SAMMSON: variants seen among roughly 807,000 people sequenced by gnomAD.
The protein encoded by SAMMSON is long intergenic non-protein coding RNA 1212.
chr3:70,101,668 T>C (rs1194060381), intron 4 of SAMMSON, among the ~76,000 whole-genome samples: 1 of 152,186 alleles, frequency 6.6e-6, no homozygotes, highest in East Asian at 1.9e-4. Flanking sequence ...ATACCTTACA[T>C]CTGGAGAGCC....
intron 6 of SAMMSON, among the ~76,000 whole-genome samples, chr3:70,255,706 A>G (rs1701809384): frequency 6.6e-6 from 1 of 152,026 alleles, no homozygotes; most frequent in South Asian, 2.1e-4. Context: ...TATTCCCTCA[A>G]CTTTGGCCTC....
chr3:70,071,539 T>G (rs993381705), exon 4 of SAMMSON: 1 of 152,012 alleles, frequency 6.6e-6, no homozygotes, highest in African/African-American at 2.4e-5. Flanking sequence ...AGAGATGTGA[T>G]AAAGAGAAAC....
At chr3:70,006,359 A>G (rs898167029) in intron 1 of SAMMSON, among the ~76,000 whole-genome samples, 2 of 152,140 alleles carry the variant, frequency 1.3e-5, no homozygotes, top group African/African-American at 4.8e-5. Flanking sequence ...AGAGGAAGGG[A>G]ATGTGTATTA....
chr3:70,211,353 CCCTTCCCTTTGCCCTTCCCTTCCCTTT>C (rs1701343462), intron 4 of SAMMSON, among the ~76,000 whole-genome samples: 1 of 6,580 alleles, frequency 1.5e-4, no homozygotes, highest in Non-Finnish European at 1.5e-3. Flanking sequence ...TTTTGCCCTT[CCCTTCCCTTTGCCCTTCCCTTCCCTTT>C]CCTTCCTTTC....
intron 6 of SAMMSON, among the ~76,000 whole-genome samples, chr3:70,265,777 T>C (rs1166797478): frequency 6.6e-6 from 1 of 152,152 alleles, no homozygotes; most frequent in Non-Finnish European, 1.5e-5. Flanking sequence ...CTCAGGAAAC[T>C]TATAATCATG....
intron 4 of SAMMSON, among the ~76,000 whole-genome samples, chr3:70,202,010 A>G (rs1347090074): frequency 6.6e-6 from 1 of 152,112 alleles, no homozygotes; most frequent in African/African-American, 2.4e-5. Flanking sequence ...CTGAATGTAT[A>G]TCCCTCTGTG....
chr3:70,162,506 A>G (rs1303258557), intron 4 of SAMMSON, among the ~76,000 whole-genome samples: 2 of 151,714 alleles, frequency 1.3e-5, no homozygotes, highest in Non-Finnish European at 2.9e-5. Flanking sequence ...AACATACTTT[A>G]TATGATTTCA....
At chr3:70,343,227 G>C (rs895345005) in intron 7 of SAMMSON, among the ~76,000 whole-genome samples, 1 of 152,014 alleles carries the variant, frequency 6.6e-6, no homozygotes, top group South Asian at 2.1e-4. Context: ...ACCAATAATG[G>C]TATATTTTTA....
chr3:70,034,362 C>T (rs533429406), intron 3 of SAMMSON, among the ~76,000 whole-genome samples: 3 of 152,016 alleles, frequency 2.0e-5, no homozygotes, highest in Non-Finnish European at 2.9e-5. Context: ...ATATATTCAC[C>T]GAAGAATGGG....
At chr3:70,188,475 A>G (rs971443606) in intron 4 of SAMMSON, among the ~76,000 whole-genome samples, 27 of 152,234 alleles carry the variant, frequency 1.8e-4, no homozygotes, top group African/African-American at 6.0e-4. Flanking sequence ...TAAGAGAAGA[A>G]AAAATAAAGA....
chr3:70,126,108 T>G (rs1189487872), intron 4 of SAMMSON: 1 of 1,256,314 alleles, frequency 8.0e-7, no homozygotes, highest in Admixed American at 2.0e-5. Context: ...TTACTCTGTT[T>G]GTTAGGATTG....
intron 4 of SAMMSON, among the ~76,000 whole-genome samples, chr3:70,191,248 A>G (rs1330431030): frequency 6.6e-6 from 1 of 152,204 alleles, no homozygotes; most frequent in East Asian, 1.9e-4. Context: ...ACATTTGAGG[A>G]ACAATAAACC....
At chr3:70,409,296 T>C (rs571293630) in intron 2 of SAMMSON, among the ~76,000 whole-genome samples, 1 of 152,314 alleles carries the variant, frequency 6.6e-6, no homozygotes, top group Admixed American at 6.5e-5. Context: ...AATAAATTGA[T>C]AACATTCCAT....
rs1038131366 is a variant in SAMMSON at position 70,186,448 on chromosome 3, A to AT, written n.508-62651dup. ...AATTTTTATTTTTTTATTTTTTGGT[A>AT]TTTTTTTTGTAGAGATGAGGTCTCA... On this transcript the variant is annotated intron_variant and non_coding_transcript_variant, in intron 4 of 9. Coordinates refer to ENST00000642114, the Ensembl canonical transcript of SAMMSON. 1.7e-4 allele frequency among the ~76,000 whole-genome samples: 26 copies of AT among 151,098 alleles called. No individual in the cohort carries two copies. In the East Asian group the frequency reaches 2.0e-3, roughly 11 times the overall value.
chr3:70,143,941 A>C (rs1372224367), intron 4 of SAMMSON, among the ~76,000 whole-genome samples: 18 of 152,124 alleles, frequency 1.2e-4, no homozygotes. Context: ...GACCTTTATA[A>C]GTACATAAGT....
chr3:70,080,106 T>A (rs974300718), intron 4 of SAMMSON, among the ~76,000 whole-genome samples: 1 of 152,208 alleles, frequency 6.6e-6, no homozygotes. Flanking sequence ...ACAGGTTTGT[T>A]CTAAAGAATT....
intron 3 of SAMMSON, among the ~76,000 whole-genome samples, chr3:70,018,328 A>G (rs1234747221): frequency 6.6e-6 from 1 of 152,128 alleles, no homozygotes; most frequent in Admixed American, 6.5e-5. Flanking sequence ...GTATGTGCTG[A>G]GGAATTTATC....
chr3:70,317,461 G>A (rs1702503120), intron 7 of SAMMSON, among the ~76,000 whole-genome samples: 1 of 151,594 alleles, frequency 6.6e-6, no homozygotes, highest in African/African-American at 2.4e-5. Context: ...ACAATATAGA[G>A]TAAACATAAC....
In SAMMSON at chr3:70,135,724, T is replaced by C. The variant is rs186145312; in HGVS notation, n.507+64159T>C. On this transcript the variant is annotated intron_variant and non_coding_transcript_variant, in intron 4 of 9. Coordinates refer to ENST00000642114, the Ensembl canonical transcript of SAMMSON. ...ATAAAATTCCTTTTCCAAAAATATA[T>C]TCTATATGTTATGTAATAACCTGAT... Among the ~76,000 whole-genome samples the C allele has an allele frequency of 6.2e-3, 952 of 152,348 alleles. 5 individuals carry two copies. The highest frequency in any genetic ancestry group is 9.3e-3 in the Non-Finnish European group (633 of 68,028).
Sources: allele counts gnomAD v4.1 joint callset (sites outside exome capture counted in the v4.1 genomes callset), GRCh38; gene constraint gnomAD v4.1.1; transcripts MANE v1.5; gene names NCBI Gene and HGNC (gene_info 2026-07-23, HGNC 2026-07-21).